UQCC1: variants seen among roughly 807,000 people sequenced by gnomAD.
UQCC1 encodes ubiquinol-cytochrome c reductase complex assembly factor 1.
A neutral mutation model predicts 48.0 loss-of-function variants in UQCC1; 38 were observed. The ratio of observed to expected loss-of-function variants is 0.79; its 90% CI spans 0.61 to 1.04. UQCC1 has a LOEUF of 1.04. UQCC1 is among the 50% of genes least tolerant of loss of function. The pLI is 0.00. For synonymous variants in UQCC1, 111 were observed against 129.2 expected, an observed-to-expected ratio of 0.86 and a Z score of 0.95; for missense variants, 368 against 381.8, an observed-to-expected ratio of 0.96 and a Z score of 0.30.
intron 7 of UQCC1, 115 bp downstream of exon 7, chr20:35,347,049 T>A: frequency 1.2e-6 from 2 of 1,609,326 alleles, no homozygotes; most frequent in Non-Finnish European, 1.7e-6. Flanking sequence ...CCACTTGATA[T>A]TAGGCAGCAT....
intron 7 of UQCC1, among the ~76,000 whole-genome samples, chr20:35,318,168 A>G (rs1226780477): frequency 6.6e-6 from 1 of 152,198 alleles, no homozygotes; most frequent in Non-Finnish European, 1.5e-5. Context: ...TGCCTAGCAG[A>G]GCTAGTTTAT....
At chr20:35,391,354 G>C (rs2062012415) in intron 2 of UQCC1, among the ~76,000 whole-genome samples, 1 of 152,164 alleles carries the variant, frequency 6.6e-6, no homozygotes, top group South Asian at 2.1e-4. Context: ...AGACACAGTG[G>C]CTCATACCTA....
intron 1 of UQCC1, among the ~76,000 whole-genome samples, chr20:35,400,968 T>C (rs766755435): frequency 1.1e-4 from 17 of 152,196 alleles, no homozygotes; most frequent in African/African-American, 4.1e-4. Context: ...TTAAGATACA[T>C]AGTATTTTCC....
chr20:35,355,119 G>A (rs1163281814), intron 6 of UQCC1, among the ~76,000 whole-genome samples: 1 of 152,152 alleles, frequency 6.6e-6, no homozygotes, highest in Non-Finnish European at 1.5e-5. Context: ...AACCCACCTA[G>A]ACAGGGACAG....
intron 1 of UQCC1, among the ~76,000 whole-genome samples, chr20:35,396,326 A>G (rs374935821): frequency 7.9e-6 from 1 of 126,804 alleles, no homozygotes; most frequent in Admixed American, 1.0e-4. Context: ...GGGTCTCACT[A>G]CATTCCCCAG....
intron 1 of UQCC1, among the ~76,000 whole-genome samples, chr20:35,400,746 C>T (rs969182589): frequency 1.3e-5 from 2 of 152,160 alleles, no homozygotes; most frequent in African/African-American, 4.8e-5. Flanking sequence ...CCGCCCGCCT[C>T]GGCCTCCCAA....
chr20:35,374,945 T>C (rs918631000), intron 4 of UQCC1, among the ~76,000 whole-genome samples: 13 of 152,172 alleles, frequency 8.5e-5, no homozygotes, highest in African/African-American at 3.1e-4. Context: ...ATATAAATTA[T>C]GCCTTAATAA....
intron 7 of UQCC1, among the ~76,000 whole-genome samples, chr20:35,329,299 G>A (rs1207829189): frequency 1.3e-5 from 2 of 152,206 alleles, no homozygotes; most frequent in African/African-American, 4.8e-5. Flanking sequence ...GTGAGTTTAG[G>A]TGAGAGGTCA....
chr20:35,355,849 T>A (rs969556802), intron 6 of UQCC1, among the ~76,000 whole-genome samples: 8 of 151,998 alleles, frequency 5.3e-5, no homozygotes, highest in African/African-American at 1.9e-4. Context: ...ACCTTCTTTA[T>A]CTTCCCTTTT....
chr20:35,368,626 G>A (rs1183786472), intron 5 of UQCC1, among the ~76,000 whole-genome samples: 2 of 152,214 alleles, frequency 1.3e-5, no homozygotes, highest in East Asian at 3.9e-4. Context: ...CTTTAACCCT[G>A]GAGGGAAGCA....
intron 6 of UQCC1, among the ~76,000 whole-genome samples, chr20:35,363,257 G>A (rs920309944): frequency 6.6e-6 from 1 of 152,106 alleles, no homozygotes; most frequent in African/African-American, 2.4e-5. Flanking sequence ...CCAGGTTTCT[G>A]GTGTGGGCAT....
chr20:35,306,716 A>G lies in UQCC1; in HGVS notation c.715T>C (p.Cys239Arg). ...AATTCAAGATGTCGAGGGTCTTCAC[A>G]TTTCCGGTTGAAGAAGGTTCTCCAG... ...ALWRTFFNRK[C>R]EDPRHLELLV... The change falls in exon 9 of 10, where the codon TGT becomes CGT. Residue 239 changes from cysteine (C) to arginine (R), a missense_variant. Cys to Arg is a radical substitution (Grantham distance 180). Coordinates refer to ENST00000374385, the MANE Select transcript of UQCC1 (RefSeq NM_018244.5). The G allele has an allele frequency of 6.2e-7, 1 of 1,613,928 alleles. No individual in the cohort carries two copies. Among genetic ancestry groups the G allele is most frequent in the Non-Finnish European group, 8.5e-7 (1 of 1,180,000 alleles).
At chr20:35,346,820 G>T in intron 7 of UQCC1, 1 of 635,146 alleles carries the variant, frequency 1.6e-6, no homozygotes, top group Non-Finnish European at 2.6e-6. Flanking sequence ...TTCAAATATT[G>T]AACTGGTGTC....
chr20:35,382,008 A>G lies in UQCC1; in HGVS notation c.243T>C (p.Asp81=). ...HTTRKLSTTK[D]SPQPVEEKVG... ...CCTTCTCCTCAACAGGCTGTGGGGA[A>G]TCTTTGGTAGTAGAAAGCTGATTAA... is the stretch of plus-strand genomic sequence containing the variant. The change falls in exon 4 of 10, where the codon GAT becomes GAC. Residue 81 remains aspartate (D), a synonymous_variant. Coordinates refer to ENST00000374385, the MANE Select transcript of UQCC1 (RefSeq NM_018244.5). The G allele has an allele frequency of 6.2e-7, 1 of 1,601,482 alleles. No individual in the cohort carries two copies. The highest frequency in any genetic ancestry group is 8.5e-7 in the Non-Finnish European group (1 of 1,176,312).
At chr20:35,332,310 C>G (rs1003793857) in intron 7 of UQCC1, among the ~76,000 whole-genome samples, 5 of 152,238 alleles carry the variant, frequency 3.3e-5, no homozygotes, top group African/African-American at 1.2e-4. Context: ...GGGAACAGAG[C>G]TCTCTCTGGG....
At chr20:35,410,998 T>A (rs2062354738) in intron 1 of UQCC1, among the ~76,000 whole-genome samples, 1 of 151,914 alleles carries the variant, frequency 6.6e-6, no homozygotes, top group Non-Finnish European at 1.5e-5. Flanking sequence ...TTGTAAGACA[T>A]ATATAAAAAG....
At chr20:35,360,172 C>T (rs1204733701) in intron 6 of UQCC1, among the ~76,000 whole-genome samples, 2 of 152,144 alleles carry the variant, frequency 1.3e-5, no homozygotes, top group East Asian at 1.9e-4. Flanking sequence ...AAGCTACAAG[C>T]GTGGGTGTTT....
chr20:35,386,229 CAAA>C (rs751779736), intron 2 of UQCC1: 15 of 317,338 alleles, frequency 4.7e-5, no homozygotes, highest in East Asian at 9.0e-5. Flanking sequence ...ATAATTCTGG[CAAA>C]AAAAAAAAAA....
At chr20:35,397,238 G>A (rs574158297) in intron 1 of UQCC1, among the ~76,000 whole-genome samples, 6 of 150,184 alleles carry the variant, frequency 4.0e-5, no homozygotes, top group Admixed American at 1.3e-4. Context: ...AAATCAGGCC[G>A]GGCGCGGTAG....
Sources: gnomAD v4.1 joint callset for allele counts (sites outside exome capture counted in the v4.1 genomes callset) on GRCh38, gnomAD v4.1.1 for gene constraint, MANE v1.5 for transcripts, NCBI Gene and HGNC (gene_info 2026-07-23, HGNC 2026-07-21) for gene names.